Variants in SLC7A5 observed in about 807,000 individuals in gnomAD.
The protein encoded by SLC7A5 is large neutral amino acids transporter small subunit 1.
In SLC7A5, 23 loss-of-function variants were observed where a neutral mutation model predicts 50.2. The ratio of observed to expected loss-of-function variants is 0.46; its 90% CI spans 0.33 to 0.65. SLC7A5 has a LOEUF of 0.65. Among genes scored for constraint, SLC7A5 ranks in the 30% least tolerant of loss-of-function variants. The probability of loss-of-function intolerance (pLI) is 0.02; values close to 1 mark genes in which losing one functional copy is unlikely to be tolerated. For missense variants in SLC7A5, 578 were observed against 684.4 expected (o/e 0.84, Z 1.73); for synonymous variants, 393 against 330.6 (o/e 1.19, Z -2.05).
At chr16:87,858,347 G>A (rs2055346376) in intron 1 of SLC7A5, among the ~76,000 whole-genome samples, 1 of 152,158 alleles carries the variant, frequency 6.6e-6, no homozygotes, top group Admixed American at 6.5e-5. Context: ...GGGCACAGAT[G>A]AAGCCGTGGG....
In SLC7A5 at chr16:87,834,459, C is replaced by T. The variant is rs1177693007; in HGVS notation, c.1423G>A (p.Gly475Arg). Residue 475 changes from glycine to arginine, a missense_variant, in exon 9 of 10, where the codon GGG (glycine) becomes AGG (arginine). Coordinates refer to ENST00000261622, the MANE Select transcript of SLC7A5 (RefSeq NM_003486.7). ...TTGGGCTTGTTTTTCCACCAGACCC[C>T]GAAGAAGTAGACGGGCAGCCCGCTG... ...ILSGLPVYFF[G>R]VWWKNKPKWL... 25 of 1,563,936 alleles carry T rather than the reference C, an allele frequency of 1.6e-5. No homozygotes were observed. The highest frequency in any genetic ancestry group is 1.8e-5 in the Non-Finnish European group (21 of 1,154,184).
At position 87,832,817 on chromosome 16, in the gene SLC7A5, C is replaced by A. The variant is rs563272587; in HGVS notation, c.*153G>T. 24 of 706,496 alleles carry A rather than the reference C, an allele frequency of 3.4e-5. No individual in the cohort carries two copies. The South Asian group carries it at 3.5e-4, about 10-fold the overall frequency. The allele number at this position is 706,496 out of a possible 1,614,324, so 43.8% of individuals were successfully genotyped here. On this transcript the variant is annotated 3_prime_UTR_variant, in exon 10 of 10. Transcript: ENST00000261622. This position sits in a 1 kb window ranked among gnomAD's most constrained non-coding sequence, Gnocchi z 4.6. The stretch of plus-strand genomic sequence containing the variant: ...GATGAGATTCGTACCAGAGTTTTCA[C>A]AGCAGCCTCCACTGCCCGACCTGGG...
In SLC7A5 at chr16:87,831,819, G is replaced by A. The variant is rs1292258299; in HGVS notation, c.*1151C>T. Reference sequence around the variant, plus strand: ...GGGGTGCCCTAGTTCCCTCTCTGCAGGCGGGTGGGGACTGGGTGAGAGCCC... The same window carrying A: ...GGGGTGCCCTAGTTCCCTCTCTGCAAGCGGGTGGGGACTGGGTGAGAGCCC... On this transcript the variant is annotated 3_prime_UTR_variant, in exon 10 of 10. Coordinates refer to ENST00000261622, the MANE Select transcript of SLC7A5 (RefSeq NM_003486.7). The A allele has an allele frequency of 1.3e-5, 2 of 152,372 alleles. No individual in the cohort carries two copies. The highest frequency in any genetic ancestry group is 1.3e-4 in the Admixed American group (2 of 15,292). The allele number at this position is 152,372 out of a possible 1,614,324, so 9.4% of individuals were successfully genotyped here. A position where few individuals can be genotyped will look rare whatever the true frequency, so the allele number is the denominator to read the frequency against.
In SLC7A5 at chr16:87,840,492, C is replaced by T. The variant is rs370022313; in HGVS notation, c.771-19G>A. On this transcript the variant is annotated intron_variant, in intron 3 of 9. Transcript: ENST00000261622. ...GTAATTCCTAAAATTTAGAGAACAG[C>T]GTTCAAATTATATGATCCTCATCAG... 50 of 1,583,324 alleles carry T rather than the reference C, an allele frequency of 3.2e-5. No homozygotes were observed. The African/African-American group carries it at 4.1e-4, about 13-fold the overall frequency.
rs919853114 is a variant in SLC7A5 at position 87,853,058 on chromosome 16, A to G, written c.539-1209T>C. 3.9e-5 allele frequency among the ~76,000 whole-genome samples: 6 copies of G among 152,202 alleles called. No individual in the cohort carries two copies. The highest frequency in any genetic ancestry group is 1.4e-4 in the African/African-American group (6 of 41,458). ...CTCACAGCCCTCCCGGCACCGCACC[A>G]CTAAGACTGCAGGAAGGTGAGAGCA... On this transcript the variant is annotated intron_variant, in intron 1 of 9. Coordinates refer to ENST00000261622, the MANE Select transcript of SLC7A5 (RefSeq NM_003486.7). This position sits in a 1 kb window ranked among gnomAD's most constrained non-coding sequence, Gnocchi z 4.4.
At chr16:87,856,849 G>A (rs4843721) in intron 1 of SLC7A5, among the ~76,000 whole-genome samples, 2 of 152,042 alleles carry the variant, frequency 1.3e-5, no homozygotes, top group East Asian at 1.9e-4. Context: ...AAGCAGTGGT[G>A]GGGGAGGCGG....
chr16:87,851,542 T>G (rs1277570107), intron 2 of SLC7A5, among the ~76,000 whole-genome samples, 182 bp downstream of exon 2: 1 of 152,250 alleles, frequency 6.6e-6, no homozygotes, highest in Non-Finnish European at 1.5e-5. Flanking sequence ...GGAGCACTCC[T>G]GTGTCCCCCT....
chr16:87,848,168 A>G (rs1597503638), intron 2 of SLC7A5, among the ~76,000 whole-genome samples: 1 of 152,262 alleles, frequency 6.6e-6, no homozygotes, highest in African/African-American at 2.4e-5. Context: ...GACCTCCAAC[A>G]GTACAATGTG....
rs1307699794 is a variant in SLC7A5, at chr16:87,866,591, G to A, written c.538+2294C>T. Among the ~76,000 whole-genome samples the A allele has an allele frequency of 3.9e-5, 6 of 152,072 alleles. No individual in the cohort carries two copies. The East Asian group carries it at 7.8e-4, about 20-fold the overall frequency. ...AGTGATTCTCCTGCCTCAGCCTCCC[G>A]AGTAGCTGGGATTACAGGCATCTGC... is the stretch of plus-strand genomic sequence containing the variant. On this transcript the variant is annotated intron_variant, in intron 1 of 9. Transcript: ENST00000261622.
At chr16:87,846,385 A>G (rs966359123) in intron 2 of SLC7A5, among the ~76,000 whole-genome samples, 1 of 152,184 alleles carries the variant, frequency 6.6e-6, no homozygotes, top group Non-Finnish European at 1.5e-5. Context: ...GCTGGGATTC[A>G]CTTTGAGGCC....
intron 1 of SLC7A5, among the ~76,000 whole-genome samples, chr16:87,868,024 G>C (rs2055484731): frequency 6.6e-6 from 1 of 151,622 alleles, no homozygotes; most frequent in Admixed American, 6.6e-5. Context: ...GGCTGAGCCA[G>C]GAGAATGGCA....
chr16:87,838,755 G>C lies in SLC7A5; in HGVS notation c.1002C>G (p.Ser334=), dbSNP rs753038482. The C allele has an allele frequency of 6.2e-7, 1 of 1,614,070 alleles. No individual in the cohort carries two copies. The highest frequency in any genetic ancestry group is 8.5e-7 in the Non-Finnish European group (1 of 1,180,022). The change falls in exon 6 of 10, where the codon TCC becomes TCG. Residue 334 remains serine (S), a synonymous_variant. Coordinates refer to ENST00000261622, the MANE Select transcript of SLC7A5 (RefSeq NM_003486.7). ...GGGACCCATTGACGGAGCCGAAGCAGGACAGGCCCACGAAGACGGGGATGA... is the reference window on the plus strand; with the variant it reads ...GGGACCCATTGACGGAGCCGAAGCACGACAGGCCCACGAAGACGGGGATGA... ...SWIIPVFVGL[S]CFGSVNGSLF...
rs760337387 is a variant in SLC7A5 at position 87,869,272 on chromosome 16, T to C, written c.151A>G (p.Thr51Ala). ...GEGVTLQRNI[T>A]LLNGVAIIVG... ...ATGATGGCCACGCCGTTGAGCAGCG[T>C]GATGTTCCGCTGCAGGGTCACGCCC... is the stretch of plus-strand genomic sequence containing the variant. The change falls in exon 1 of 10, where the codon ACG becomes GCG. Residue 51 changes from threonine to alanine, a missense_variant. By Grantham distance (58) the Thr-to-Ala change is moderately conservative (BLOSUM62 0). Transcript: ENST00000261622. 3.9e-5 allele frequency: 63 copies of C among 1,612,192 alleles called. No individual in the cohort carries two copies. The highest frequency in any genetic ancestry group is 5.0e-5 in the Admixed American group (3 of 60,004).
chr16:87,839,847 T>C (rs1434156599), intron 4 of SLC7A5, 22 bp from the exon 5 acceptor site: 7 of 1,613,120 alleles, frequency 4.3e-6, no homozygotes, highest in East Asian at 2.2e-5. Flanking sequence ...AGGGACGACA[T>C]GTCACCCAAC....
intron 1 of SLC7A5, among the ~76,000 whole-genome samples, chr16:87,863,076 G>A (rs979074558): frequency 2.6e-5 from 4 of 152,256 alleles, no homozygotes; most frequent in African/African-American, 9.6e-5. Flanking sequence ...AGGGAAACAG[G>A]AGGGGGCTAC....
In SLC7A5 at chr16:87,832,674, T is replaced by TA. The variant is rs565933814; in HGVS notation, c.*295dup. 2.3e-5 allele frequency: 4 copies of TA among 173,382 alleles called. No homozygotes were observed. Among genetic ancestry groups the TA allele is most frequent in the Non-Finnish European group, 3.7e-5 (3 of 81,986 alleles). 10.7% of individuals were successfully genotyped at this position (173,382 alleles called of 1,614,324 possible). On this transcript the variant is annotated 3_prime_UTR_variant, in exon 10 of 10. Transcript: ENST00000261622. This position sits in a 1 kb window ranked among gnomAD's most constrained non-coding sequence, Gnocchi z 4.6. The stretch of plus-strand genomic sequence containing the variant: ...GTCAAGTTGACCCAAAATTTAAGTT[T>TA]AAAAAAAATATATATATAAGTAAAC...
At position 87,861,411 on chromosome 16, in the gene SLC7A5, G is replaced by A. The variant is rs779337822; in HGVS notation, c.538+7474C>T. ...CTGGCACCCACCAGACTCCCCAGGC[G>A]TGGCTTTGTGCTCCCCTATGCCTGA... is the stretch of plus-strand genomic sequence containing the variant. On this transcript the variant is annotated intron_variant, in intron 1 of 9. Transcript: ENST00000261622. This position sits in a 1 kb window ranked among gnomAD's most constrained non-coding sequence, Gnocchi z 4.2. Among the ~76,000 whole-genome samples, 9 of 152,180 alleles carry A rather than the reference G, an allele frequency of 5.9e-5. No individual in the cohort carries two copies. The highest frequency in any genetic ancestry group is 1.3e-4 in the Non-Finnish European group (9 of 68,014).
rs1268591446 is a variant in SLC7A5 at position 87,852,200 on chromosome 16, C to T, written c.539-351G>A. Among the ~76,000 whole-genome samples, 2 of 152,174 alleles carry T rather than the reference C, an allele frequency of 1.3e-5. No individual in the cohort carries two copies. The highest frequency in any genetic ancestry group is 2.9e-5 in the Non-Finnish European group (2 of 68,028). ...AGAGACCCAGGTGAGCAAGGTGACCCTGCCACTTGGAAGGCGCCCATTACA... is the reference window on the plus strand; with the variant it reads ...AGAGACCCAGGTGAGCAAGGTGACCTTGCCACTTGGAAGGCGCCCATTACA... On this transcript the variant is annotated intron_variant, in intron 1 of 9. Coordinates refer to ENST00000261622, the MANE Select transcript of SLC7A5 (RefSeq NM_003486.7). This position sits in a 1 kb window ranked among gnomAD's most constrained non-coding sequence, Gnocchi z 4.5.
chr16:87,866,483 T>TG (rs1238194379), intron 1 of SLC7A5, among the ~76,000 whole-genome samples: 1 of 152,044 alleles, frequency 6.6e-6, no homozygotes, highest in Non-Finnish European at 1.5e-5. Context: ...GCTTTTTTTT[T>TG]GAGATGGAGT....
Sources: gnomAD v4.1 joint callset for allele counts (sites outside exome capture counted in the v4.1 genomes callset) on GRCh38, gnomAD v4.1.1 for gene constraint, Gnocchi (gnomAD v3.1) non-coding constraint, MANE v1.5 for transcripts, NCBI Gene and HGNC (gene_info 2026-07-23, HGNC 2026-07-21) for gene names.